TMEM108: variants seen among roughly 807,000 people sequenced by gnomAD.
TMEM108 encodes the protein cancer/testis antigen 124.
TMEM108 carries 12 observed loss-of-function variants against 35.1 expected under a neutral mutation model. The observed-to-expected ratio is 0.34, with a 90% confidence interval of 0.22 to 0.55. TMEM108 has a LOEUF of 0.55. Among genes scored for constraint, TMEM108 ranks in the 20% least tolerant of loss-of-function variants. The pLI, the probability that TMEM108 is intolerant of heterozygous loss-of-function variation, is 0.89. For synonymous variants in TMEM108, 287 were observed against 308.6 expected (o/e 0.93, Z 0.73); for missense variants, 680 against 753.3 (o/e 0.90, Z 1.14).
At chr3:133,286,838 G>A (rs1334451219) in intron 3 of TMEM108, among the ~76,000 whole-genome samples, 1 of 152,142 alleles carries the variant, frequency 6.6e-6, no homozygotes, top group Admixed American at 6.5e-5. Context: ...GATCCCCACT[G>A]CCTTAGTAAC....
intron 2 of TMEM108, among the ~76,000 whole-genome samples, chr3:133,211,829 C>T (rs1051543638): frequency 6.6e-6 from 1 of 152,142 alleles, no homozygotes; most frequent in African/African-American, 2.4e-5. Flanking sequence ...TTAATTGATT[C>T]CCTTTTGTAG....
chr3:133,249,513 A>G (rs566298847), intron 3 of TMEM108, among the ~76,000 whole-genome samples: 49 of 152,262 alleles, frequency 3.2e-4, no homozygotes, highest in Admixed American at 7.8e-4. Flanking sequence ...CTTTATGTCC[A>G]TGAGTACCCA....
At chr3:133,142,078 C>T (rs1944649377) in intron 2 of TMEM108, among the ~76,000 whole-genome samples, 1 of 152,260 alleles carries the variant, frequency 6.6e-6, no homozygotes, top group East Asian at 1.9e-4. Flanking sequence ...ATCATGACAA[C>T]CAAAAATGTC....
intron 3 of TMEM108, among the ~76,000 whole-genome samples, chr3:133,317,268 TA>T (rs1193981748): frequency 1.3e-5 from 2 of 152,120 alleles, no homozygotes; most frequent in East Asian, 1.9e-4. Flanking sequence ...TGATGGCCTT[TA>T]AAAAAAACTG....
intron 2 of TMEM108, among the ~76,000 whole-genome samples, chr3:133,084,524 A>C (rs187760275): frequency 1.3e-5 from 2 of 152,340 alleles, no homozygotes; most frequent in Non-Finnish European, 2.9e-5. Context: ...GAGGTGATTC[A>C]TGTGCTGGAA....
At chr3:133,186,890 GTA>G (rs1175001401) in intron 2 of TMEM108, among the ~76,000 whole-genome samples, 1 of 152,100 alleles carries the variant, frequency 6.6e-6, no homozygotes, top group Admixed American at 6.5e-5. Flanking sequence ...ATGTGTGTGT[GTA>G]TGTGTGTGTG....
intron 2 of TMEM108, among the ~76,000 whole-genome samples, chr3:133,227,888 C>T (rs1016114913): frequency 1.1e-4 from 16 of 151,292 alleles, no homozygotes; most frequent in African/African-American, 3.4e-4. Context: ...AGTGAGACTT[C>T]GTCTCAAAAA....
rs765896215 is a variant in TMEM108 at position 133,378,257 on chromosome 3, G to C, written c.41-1495G>C. 15 of 838,544 alleles carry C rather than the reference G, an allele frequency of 1.8e-5. 1 individual carries two copies. Among genetic ancestry groups the C allele is most frequent in the Non-Finnish European group, 2.2e-5 (15 of 696,086 alleles). The allele number at this position is 838,544 out of a possible 1,614,324, so 51.9% of individuals were successfully genotyped here. A position where few individuals can be genotyped will look rare whatever the true frequency, so the allele number is the denominator to read the frequency against. ...GGTGAGGACACAGGCCCATGCCCAG[G>C]CTCCACCACACACCAAACGGTGATC... is the stretch of plus-strand genomic sequence containing the variant. On this transcript the variant is annotated intron_variant, in intron 3 of 5. Transcript: ENST00000321871.
At chr3:133,177,168 T>C (rs1031044805) in intron 2 of TMEM108, among the ~76,000 whole-genome samples, 2 of 152,182 alleles carry the variant, frequency 1.3e-5, no homozygotes, top group Non-Finnish European at 2.9e-5. Context: ...ATTGAGGCAA[T>C]AATAAATAGC....
At chr3:133,228,170 T>G (rs1344428197) in intron 2 of TMEM108, among the ~76,000 whole-genome samples, 1 of 146,966 alleles carries the variant, frequency 6.8e-6, no homozygotes, top group African/African-American at 2.5e-5. Context: ...CTGAATTTTA[T>G]GTATGAGTTA....
intron 2 of TMEM108, among the ~76,000 whole-genome samples, chr3:133,112,473 C>G (rs1014103486): frequency 6.6e-6 from 1 of 152,000 alleles, no homozygotes; most frequent in Non-Finnish European, 1.5e-5. Flanking sequence ...ATGCCAACTT[C>G]TATTATTATA....
chr3:133,164,091 A>C (rs1457017479), intron 2 of TMEM108, among the ~76,000 whole-genome samples: 1 of 152,210 alleles, frequency 6.6e-6, no homozygotes, highest in Non-Finnish European at 1.5e-5. Context: ...CTTTGTAAGC[A>C]GTAGAATTGG....
At chr3:133,049,798 C>T (rs1371893041) in intron 2 of TMEM108, among the ~76,000 whole-genome samples, 1 of 152,098 alleles carries the variant, frequency 6.6e-6, no homozygotes, top group Non-Finnish European at 1.5e-5. Flanking sequence ...TAGAGCTTTA[C>T]AAAGAGTCTG....
At chr3:133,205,824 C>T (rs1389061760) in intron 2 of TMEM108, among the ~76,000 whole-genome samples, 1 of 152,078 alleles carries the variant, frequency 6.6e-6, no homozygotes, top group Non-Finnish European at 1.5e-5. Flanking sequence ...CTCTGTATTT[C>T]CTGAATTTGA....
chr3:133,040,412 C>T (rs941903078), intron 1 of TMEM108, among the ~76,000 whole-genome samples: 4 of 151,874 alleles, frequency 2.6e-5, no homozygotes, highest in Non-Finnish European at 5.9e-5. Context: ...ACCAGATTGG[C>T]CAGGCTGGTC....
At chr3:133,197,699 GATA>G (rs1945599307) in intron 2 of TMEM108, among the ~76,000 whole-genome samples, 1 of 93,786 alleles carries the variant, frequency 1.1e-5, no homozygotes, top group African/African-American at 5.8e-5. Flanking sequence ...CTTCCAGCAT[GATA>G]TGAGTTGAAG....
At chr3:133,176,704 A>G (rs1056793960) in intron 2 of TMEM108, among the ~76,000 whole-genome samples, 1 of 152,234 alleles carries the variant, frequency 6.6e-6, no homozygotes, top group Non-Finnish European at 1.5e-5. Flanking sequence ...AAATGCCCAC[A>G]AGAGAAAGCA....
intron 3 of TMEM108, among the ~76,000 whole-genome samples, chr3:133,287,920 CAA>C (rs953287999): frequency 2.0e-5 from 3 of 152,162 alleles, no homozygotes; most frequent in African/African-American, 7.2e-5. Flanking sequence ...GCATAAAAAT[CAA>C]AGATATACTT....
intron 2 of TMEM108, among the ~76,000 whole-genome samples, chr3:133,213,755 T>C (rs769475673): frequency 3.7e-4 from 56 of 152,218 alleles, no homozygotes; most frequent in Non-Finnish European, 6.8e-4. Context: ...TCCTCCCTTT[T>C]GCCACATTGT....
Sources: gnomAD v4.1 joint callset for allele counts (sites outside exome capture counted in the v4.1 genomes callset) on GRCh38, gnomAD v4.1.1 for gene constraint, MANE v1.5 for transcripts, NCBI Gene and HGNC (gene_info 2026-07-23, HGNC 2026-07-21) for gene names.